The following LSAMP variants were observed in gnomAD, a reference collection of about 807,000 sequenced individuals.
LSAMP encodes the protein limbic system-associated membrane protein.
LSAMP carries 7 observed loss-of-function variants against 38.6 expected under a neutral mutation model. The ratio of observed to expected loss-of-function variants is 0.18; its 90% CI spans 0.10 to 0.34. The LOEUF (loss-of-function observed/expected upper bound fraction) is 0.34. LSAMP is among the 10% of genes least tolerant of loss of function. LSAMP has a pLI of 1.00. For synonymous variants in LSAMP, 154 were observed against 166.8 expected, an observed-to-expected ratio of 0.92 and a Z score of 0.59; for missense variants, 313 against 420.0, an observed-to-expected ratio of 0.75 and a Z score of 2.23.
intron 3 of LSAMP, among the ~76,000 whole-genome samples, chr3:115,962,170 G>A (rs1938648788): frequency 6.6e-6 from 1 of 152,132 alleles, no homozygotes; most frequent in South Asian, 2.1e-4. Context: ...GCAATCAAAT[G>A]GCCATTCAGT....
At chr3:116,283,802 G>A (rs1362090287) in intron 1 of LSAMP, among the ~76,000 whole-genome samples, 2 of 151,948 alleles carry the variant, frequency 1.3e-5, no homozygotes, top group African/African-American at 4.8e-5. Flanking sequence ...AATTAAGATA[G>A]TCTCACCAGC....
At chr3:116,317,219 T>C (rs1185851467) in intron 1 of LSAMP, among the ~76,000 whole-genome samples, 1 of 152,160 alleles carries the variant, frequency 6.6e-6, no homozygotes, top group African/African-American at 2.4e-5. Flanking sequence ...GCTCACTGTC[T>C]AGGTTCGTGC....
chr3:116,351,050 C>T (rs1156719742), intron 1 of LSAMP, among the ~76,000 whole-genome samples: 1 of 151,906 alleles, frequency 6.6e-6, no homozygotes, highest in Non-Finnish European at 1.5e-5. Context: ...GCCTTTATAA[C>T]ATCCTCGGTA....
At chr3:115,880,392 T>C (rs1490337176) in intron 3 of LSAMP, among the ~76,000 whole-genome samples, 2 of 152,168 alleles carry the variant, frequency 1.3e-5, no homozygotes, top group Non-Finnish European at 2.9e-5. Context: ...ATAATTTACT[T>C]CAAATTCTTA....
chr3:116,402,416 A>G (rs2048851208), intron 1 of LSAMP, among the ~76,000 whole-genome samples: 1 of 152,172 alleles, frequency 6.6e-6, no homozygotes, highest in Non-Finnish European at 1.5e-5. Flanking sequence ...GTGCCACTCT[A>G]ATTTAAAAAC....
chr3:116,149,205 T>C (rs769524811), intron 1 of LSAMP, among the ~76,000 whole-genome samples: 2 of 151,508 alleles, frequency 1.3e-5, no homozygotes, highest in Non-Finnish European at 1.5e-5. Context: ...GACCCTGCAG[T>C]ATAGTTAGAT....
intron 1 of LSAMP, among the ~76,000 whole-genome samples, chr3:116,264,883 A>G (rs2046872929): frequency 6.6e-6 from 1 of 152,128 alleles, no homozygotes; most frequent in Non-Finnish European, 1.5e-5. Context: ...TGGGGGAAAA[A>G]AAAAAGAGTT....
chr3:115,960,600 T>C (rs1938594074), intron 3 of LSAMP, among the ~76,000 whole-genome samples: 1 of 152,188 alleles, frequency 6.6e-6, no homozygotes, highest in Admixed American at 6.5e-5. Context: ...TTTCATCTGA[T>C]GCTCCCCACC....
intron 1 of LSAMP, among the ~76,000 whole-genome samples, chr3:116,268,725 T>TATA (rs2046929026): frequency 6.6e-6 from 1 of 152,034 alleles, no homozygotes; most frequent in Non-Finnish European, 1.5e-5. Context: ...ATTTTACTCT[T>TATA]ATAATTTTAA....
At chr3:115,991,678 A>G (rs1167714472) in intron 3 of LSAMP, among the ~76,000 whole-genome samples, 2 of 152,080 alleles carry the variant, frequency 1.3e-5, no homozygotes, top group African/African-American at 4.8e-5. Flanking sequence ...GGAAAAGAAA[A>G]TGCGGCTTGT....
intron 1 of LSAMP, among the ~76,000 whole-genome samples, chr3:116,295,992 C>T (rs1177857464): frequency 6.6e-6 from 1 of 152,156 alleles, no homozygotes; most frequent in Non-Finnish European, 1.5e-5. Flanking sequence ...CTCATTCCCG[C>T]TAAGTTTAAA....
chr3:116,230,403 T>C lies in LSAMP; in HGVS notation c.156-143847A>G, dbSNP rs758706181. Among the ~76,000 whole-genome samples the C allele has an allele frequency of 5.5e-4, 84 of 152,310 alleles. 1 individual carries two copies. Among genetic ancestry groups the C allele is most frequent in the Non-Finnish European group, 7.1e-4 (48 of 68,018 alleles). ...GAATGGATGGTAAAAAGAAGGATGT[T>C]TGACATTATACTTATACCTATCATA... On this transcript the variant is annotated intron_variant, in intron 1 of 6. Transcript: ENST00000490035.
At chr3:115,873,214 A>G (rs754734936) in intron 3 of LSAMP, among the ~76,000 whole-genome samples, 4 of 151,988 alleles carry the variant, frequency 2.6e-5, no homozygotes, top group Non-Finnish European at 4.4e-5. Context: ...TACCAAAAAT[A>G]CAAAAATTAA....
intron 6 of LSAMP, among the ~76,000 whole-genome samples, chr3:115,830,839 G>A (rs1293518687): frequency 6.6e-6 from 1 of 152,112 alleles, no homozygotes; most frequent in African/African-American, 2.4e-5. Flanking sequence ...GTATTACTGG[G>A]AATGCCAGGT....
chr3:116,144,378 C>G (rs1709443552), intron 1 of LSAMP, among the ~76,000 whole-genome samples: 1 of 151,754 alleles, frequency 6.6e-6, no homozygotes, highest in Admixed American at 6.6e-5. Context: ...TAAAAATTAG[C>G]TGGGCATGGT....
At chr3:115,832,737 A>G (rs1934656683) in intron 6 of LSAMP, among the ~76,000 whole-genome samples, 1 of 152,184 alleles carries the variant, frequency 6.6e-6, no homozygotes, top group Non-Finnish European at 1.5e-5. Flanking sequence ...AGACCAAAGT[A>G]TTAGTATAAG....
intron 1 of LSAMP, among the ~76,000 whole-genome samples, chr3:116,411,004 G>C (rs1035143379): frequency 2.0e-5 from 3 of 152,018 alleles, no homozygotes; most frequent in Non-Finnish European, 4.4e-5. Flanking sequence ...AAATTTAATC[G>C]TAACAGTATT....
intron 2 of LSAMP, among the ~76,000 whole-genome samples, chr3:116,040,900 T>G (rs1941156980): frequency 6.6e-6 from 1 of 151,982 alleles, no homozygotes; most frequent in African/African-American, 2.4e-5. Context: ...CCTGGCTAAT[T>G]TGTTTTCTTA....
intron 1 of LSAMP, among the ~76,000 whole-genome samples, chr3:116,290,734 A>AAATAATAATAATAAT (rs201227569): frequency 1.4e-4 from 20 of 140,500 alleles, no homozygotes; most frequent in East Asian, 1.1e-3. Context: ...TGTCTCACAA[A>AAATAATAATAATAAT]AATAATAATA....
Sources: allele counts gnomAD v4.1 joint callset (sites outside exome capture counted in the v4.1 genomes callset), GRCh38; gene constraint gnomAD v4.1.1; transcripts MANE v1.5; gene names NCBI Gene and HGNC (gene_info 2026-07-23, HGNC 2026-07-21).